FGFR4: variants seen among roughly 807,000 people sequenced by gnomAD.
FGFR4 encodes hydroxyaryl-protein kinase.
A neutral mutation model predicts 89.9 loss-of-function variants in FGFR4; 63 were observed. The observed-to-expected ratio is 0.70, with a 90% confidence interval of 0.57 to 0.86. The LOEUF (loss-of-function observed/expected upper bound fraction) is 0.86. FGFR4 is among the 40% of genes least tolerant of loss of function. FGFR4 has a pLI of 0.00. For missense variants in FGFR4, 928 were observed against 1,106.7 expected (o/e 0.84, Z 2.29); for synonymous variants, 486 against 479.4 (o/e 1.01, Z -0.18).
In FGFR4 at chr5:177,097,920, C is replaced by T; in HGVS notation, c.*244C>T. The T allele has an allele frequency of 2.2e-6, 1 of 455,210 alleles. No individual in the cohort carries two copies. The highest frequency in any genetic ancestry group is 3.9e-6 in the Non-Finnish European group (1 of 258,066). 28.2% of individuals were successfully genotyped at this position (455,210 alleles called of 1,614,324 possible). A position where few individuals can be genotyped will look rare whatever the true frequency, so the allele number is the denominator to read the frequency against. ...AGTCCCCATCCCGGGTTTGGCTGAG[C>T]CTGGCTGGAGAGCTGCTATGCTAAA... On this transcript the variant is annotated 3_prime_UTR_variant, in exon 18 of 18. Transcript: ENST00000292408.
At position 177,091,094 on chromosome 5, in the gene FGFR4, G is replaced by T. The variant is rs2149732309; in HGVS notation, c.593G>T (p.Gly198Val). 1.3e-6 allele frequency: 2 copies of T among 1,580,498 alleles called. No individual in the cohort carries two copies. Among genetic ancestry groups the T allele is most frequent in the South Asian group, 2.3e-5 (2 of 88,470 alleles). The change falls in exon 5 of 18, where the codon GGA becomes GTA. Residue 198 changes from glycine to valine, a missense_variant. By Grantham distance (109) the Gly-to-Val change is moderately radical. Around this residue, in one of 5 missense-constraint regions of FGFR4, gnomAD observed 741 missense variants for 836.9 expected, o/e 0.89. Transcript: ENST00000292408. ...GQAFHGENRIGGIRLRHQHWS... is the reference protein window; with the variant it reads ...GQAFHGENRIVGIRLRHQHWS... ...GCCTTTCATGGGGAGAACCGCATTG[G>T]AGGCATTCGGGTGAGTCTCTGGGTT...
rs781095339 is a variant in FGFR4 at position 177,095,448 on chromosome 5, C to G, written c.1630+8C>G. On this transcript the variant is annotated splice_region_variant and intron_variant, in intron 12 of 17. Transcript: ENST00000292408. This position sits in a 1 kb window ranked among gnomAD's most constrained non-coding sequence, Gnocchi z 5.7. ...GTGTCTGCACCCAGGAAGGTGGGGC[C>G]GAGGCGGGGCTGGCTGCACGGGCCG... 1 of 1,614,098 alleles carries G rather than the reference C, an allele frequency of 6.2e-7. No homozygotes were observed. The highest frequency in any genetic ancestry group is 8.5e-7 in the Non-Finnish European group (1 of 1,179,972).
At chr5:177,097,487 C>T (rs1784650069) in intron 17 of FGFR4, 40 bp from the exon 18 acceptor site, 2 of 1,605,136 alleles carry the variant, frequency 1.2e-6, no homozygotes, top group South Asian at 2.2e-5. Context: ...CCCGTCCCAT[C>T]CCGGGCGCTG....
rs745431924 is a variant in FGFR4 at position 177,095,440 on chromosome 5, G to A, written c.1630G>A (p.Gly544Arg). The change falls in exon 12 of 18, where the codon GGG becomes AGG. Residue 544 changes from glycine (G) to arginine (R), a missense_variant and splice_region_variant. Gly to Arg is a moderately radical substitution (Grantham distance 125). Around this residue, in one of 5 missense-constraint regions of FGFR4, gnomAD observed 741 missense variants for 836.9 expected, o/e 0.89. Coordinates refer to ENST00000292408, the MANE Select transcript of FGFR4 (RefSeq NM_213647.3). This position sits in a 1 kb window ranked among gnomAD's most constrained non-coding sequence, Gnocchi z 5.7. The stretch of plus-strand genomic sequence containing the variant: ...CCTGCTTGGTGTCTGCACCCAGGAA[G>A]GTGGGGCCGAGGCGGGGCTGGCTGC... ...INLLGVCTQEGPLYVIVECAA... is the reference protein window; with the variant it reads ...INLLGVCTQERPLYVIVECAA... 1.2e-6 allele frequency: 2 copies of A among 1,614,210 alleles called. No homozygotes were observed. Among genetic ancestry groups the A allele is most frequent in the Admixed American group, 1.7e-5 (1 of 60,030 alleles).
rs768319803 is a variant in FGFR4, at chr5:177,096,148, A to G, written c.1913A>G (p.His638Arg). The G allele has an allele frequency of 1.6e-5, 26 of 1,614,110 alleles. No homozygotes were observed. Among genetic ancestry groups the G allele is most frequent in the Non-Finnish European group, 2.2e-5 (26 of 1,179,992 alleles). ...GACTTTGGGCTGGCCCGCGGCGTCCACCACATTGACTACTATAAGAAAACC... is the reference window on the plus strand; with the variant it reads ...GACTTTGGGCTGGCCCGCGGCGTCCGCCACATTGACTACTATAAGAAAACC... ...IADFGLARGV[H>R]HIDYYKKTSN... The change falls in exon 14 of 18, where the codon CAC becomes CGC. Residue 638 changes from histidine to arginine, a missense_variant. Around this residue, in one of 5 missense-constraint regions of FGFR4, gnomAD observed 20 missense variants for 17.3 expected, o/e 1.16. Transcript: ENST00000292408.
rs199792541 is a variant in FGFR4 at position 177,090,799 on chromosome 5, C to T, written c.410C>T (p.Ser137Leu). The T allele has an allele frequency of 6.8e-6, 11 of 1,613,998 alleles. No individual in the cohort carries two copies. Among genetic ancestry groups the T allele is most frequent in the Middle Eastern group, 1.7e-4 (1 of 6,060 alleles). The change falls in exon 4 of 18, where the codon TCG becomes TTG. Residue 137 changes from serine (S) to leucine (L), a missense_variant. Around this residue, in one of 5 missense-constraint regions of FGFR4, gnomAD observed 741 missense variants for 836.9 expected, o/e 0.89. Coordinates refer to ENST00000292408, the MANE Select transcript of FGFR4 (RefSeq NM_213647.3). ...GACCCCAAGTCCCATAGGGACCCCT[C>T]GAATAGGCACAGTTACCCCCAGCAA... ...DEDPKSHRDP[S>L]NRHSYPQQAP...
chr5:177,096,860 C>CTCCTCCTCTTCCTCT, intron 16 of FGFR4, 119 bp downstream of exon 16: 5 of 1,024,236 alleles, frequency 4.9e-6, no homozygotes, highest in Admixed American at 2.3e-5. Context: ...CCTCGTCCTC[C>CTCCTCCTCTTCCTCT]TCCTCCTCTT....
rs762757680 is a variant in FGFR4 at position 177,093,622 on chromosome 5, G to A, written c.1398-32G>A. ...GCCCGCCCTCCGCAGGAGTGACTCG[G>A]AGGTCTGAGGCTGGACTTTCTCCAT... On this transcript the variant is annotated intron_variant, in intron 10 of 17. Coordinates refer to ENST00000292408, the MANE Select transcript of FGFR4 (RefSeq NM_213647.3). This position sits in a 1 kb window ranked among gnomAD's most constrained non-coding sequence, Gnocchi z 5.8. 4 of 1,613,976 alleles carry A rather than the reference G, an allele frequency of 2.5e-6. No individual in the cohort carries two copies. In the East Asian group the frequency reaches 8.9e-5, roughly 36 times the overall value.
At position 177,095,327 on chromosome 5, in the gene FGFR4, C is replaced by G. The variant is rs745344115; in HGVS notation, c.1520-3C>G. On this transcript the variant is annotated splice_region_variant and splice_polypyrimidine_tract_variant and intron_variant, in intron 11 of 17. Transcript: ENST00000292408. This position sits in a 1 kb window ranked among gnomAD's most constrained non-coding sequence, Gnocchi z 5.7. ...CTCTTCACCCCGTCTGCTGCCCTTA[C>G]AGACAACGCCTCTGACAAGGACCTG... 1.2e-6 allele frequency: 2 copies of G among 1,613,686 alleles called. No individual in the cohort carries two copies. The highest frequency in any genetic ancestry group is 1.1e-5 in the South Asian group (1 of 91,062).
In FGFR4 at chr5:177,087,895, C is replaced by T. The variant is rs1169269667; in HGVS notation, c.-54+818C>T. ...GCTTCAGCGCTCCTGAAGGGGCAGA[C>T]GGTGTGACCAAAGAGATAGGCAGCG... On this transcript the variant is annotated intron_variant, in intron 1 of 17. Transcript: ENST00000292408. The surrounding 1 kb of genome is among the most constrained non-coding windows in gnomAD (Gnocchi z 6.1). Among the ~76,000 whole-genome samples, 1 of 152,052 alleles carries T rather than the reference C, an allele frequency of 6.6e-6. No homozygotes were observed. The highest frequency in any genetic ancestry group is 1.5e-5 in the Non-Finnish European group (1 of 68,006).
intron 6 of FGFR4, 28 bp from the exon 7 acceptor site, chr5:177,092,293 A>C: frequency 6.6e-7 from 1 of 1,521,080 alleles, no homozygotes; most frequent in Non-Finnish European, 8.8e-7. Context: ...GCCGGTGGTC[A>C]GGGTTGACTG....
At chr5:177,092,975 T>A in intron 8 of FGFR4, 163 bp from the exon 9 acceptor site, 1 of 1,269,320 alleles carries the variant, frequency 7.9e-7, no homozygotes, top group Non-Finnish European at 1.1e-6. Flanking sequence ...CATGTGACCG[T>A]CTGCTGAGGT....
chr5:177,087,784 C>A lies in FGFR4; in HGVS notation c.-54+707C>A. 3.6e-6 allele frequency: 1 copy of A among 277,478 alleles called. No homozygotes were observed. Among genetic ancestry groups the A allele is most frequent in the Non-Finnish European group, 5.2e-6 (1 of 190,780 alleles). The allele number at this position is 277,478 out of a possible 1,614,324, so 17.2% of individuals were successfully genotyped here. Reference sequence around the variant, plus strand: ...GAGAGTTGAGGTGGGCCAGAGACAGCAGTATCTGAGTCAGGTAGAGAAGAG... The same window carrying A: ...GAGAGTTGAGGTGGGCCAGAGACAGAAGTATCTGAGTCAGGTAGAGAAGAG... On this transcript the variant is annotated intron_variant, in intron 1 of 17. Transcript: ENST00000292408. This position sits in a 1 kb window ranked among gnomAD's most constrained non-coding sequence, Gnocchi z 6.1.
intron 16 of FGFR4, among the ~76,000 whole-genome samples, chr5:177,096,986 T>C (rs1212957751): frequency 3.4e-4 from 8 of 23,398 alleles, no homozygotes; most frequent in Non-Finnish European, 3.8e-4. Flanking sequence ...CCTCCTTCTC[T>C]TCCTCCTCCT....
At position 177,093,170 on chromosome 5, in the gene FGFR4, G is replaced by A. The variant is rs533751635; in HGVS notation, c.1090G>A (p.Glu364Lys). 2.4e-5 allele frequency: 38 copies of A among 1,614,058 alleles called. No homozygotes were observed. In the South Asian group the frequency reaches 2.9e-4, roughly 12 times the overall value. The change falls in exon 9 of 18, where the codon GAG (glutamate) becomes AAG (lysine). Residue 364 changes from glutamate (E) to lysine (K), a missense_variant. Around this residue, in one of 5 missense-constraint regions of FGFR4, gnomAD observed 741 missense variants for 836.9 expected, o/e 0.89. Coordinates refer to ENST00000292408, the MANE Select transcript of FGFR4 (RefSeq NM_213647.3). The surrounding 1 kb of genome is among the most constrained non-coding windows in gnomAD (Gnocchi z 5.8). ...EDPTWTAAAP[E>K]ARYTDIILYA... is the part of the protein sequence containing the mutation. ...CCCCACATGGACCGCAGCAGCGCCC[G>A]AGGCCAGGTATACGGACATCATCCT...
At chr5:177,097,472 TGCGCCCCGTCCCATCCCGG>T in intron 17 of FGFR4, 36 bp from the exon 18 acceptor site, 1 of 1,556,460 alleles carries the variant, frequency 6.4e-7, no homozygotes, top group Non-Finnish European at 8.7e-7. Flanking sequence ...CGCGTGGACA[TGCGCCCCGTCCCATCCCGG>T]GCGCTGCAGA....
In FGFR4 at chr5:177,093,923, T is replaced by G; in HGVS notation, c.1519+148T>G. 4.0e-6 allele frequency: 4 copies of G among 988,968 alleles called. No homozygotes were observed. Among genetic ancestry groups the G allele is most frequent in the South Asian group, 1.7e-5 (1 of 57,356 alleles). The allele number at this position is 988,968 out of a possible 1,614,324, so 61.3% of individuals were successfully genotyped here. A position where few individuals can be genotyped will look rare whatever the true frequency, so the allele number is the denominator to read the frequency against. On this transcript the variant is annotated intron_variant, in intron 11 of 17. Coordinates refer to ENST00000292408, the MANE Select transcript of FGFR4 (RefSeq NM_213647.3). This position sits in a 1 kb window ranked among gnomAD's most constrained non-coding sequence, Gnocchi z 5.8. ...CTCTACAAAAAAAAAATAAGAAAAT[T>G]AGTTGGGTGTGGTGGTGTGTGCCTT...
Position 177,094,987 on chromosome 5 carries a change from C to T in FGFR4, c.1520-343C>T, listed in dbSNP as rs1189064614. 5 of 286,338 alleles carry T rather than the reference C, an allele frequency of 1.7e-5. No homozygotes were observed. The East Asian group carries it at 3.6e-4, about 21-fold the overall frequency. The allele number at this position is 286,338 out of a possible 1,614,324, so 17.7% of individuals were successfully genotyped here. On this transcript the variant is annotated intron_variant, in intron 11 of 17. Coordinates refer to ENST00000292408, the MANE Select transcript of FGFR4 (RefSeq NM_213647.3). ...ACCCCATGCGGGGACTACCGCTGAC[C>T]CCTCCAGCGGCAGCTTCCTTCCTTC...
In FGFR4 at chr5:177,096,046, G is replaced by A. The variant is rs568842162; in HGVS notation, c.1822-11G>A. 96 of 1,611,872 alleles carry A rather than the reference G, an allele frequency of 6.0e-5. No individual in the cohort carries two copies. The highest frequency in any genetic ancestry group is 5.2e-4 in the South Asian group (47 of 90,814). ...GGTGTCCTGAGGCACCCAAGCCCCC[G>A]CTCCCTGCAGTGTATCCACCGGGAC... On this transcript the variant is annotated splice_polypyrimidine_tract_variant and intron_variant, in intron 13 of 17. Coordinates refer to ENST00000292408, the MANE Select transcript of FGFR4 (RefSeq NM_213647.3).
Sources: gnomAD v4.1 joint callset for allele counts (sites outside exome capture counted in the v4.1 genomes callset) on GRCh38, gnomAD v4.1.1 for gene constraint, gnomAD v4.1.1 regional missense constraint, Gnocchi (gnomAD v3.1) non-coding constraint, MANE v1.5 for transcripts, NCBI Gene and HGNC (gene_info 2026-07-23, HGNC 2026-07-21) for gene names.